F8: variants seen among roughly 807,000 people sequenced by gnomAD.
F8 encodes the protein coagulation factor VIII.
In F8, 12 loss-of-function variants were observed where a neutral mutation model predicts 140.6. That is an observed-to-expected ratio of 0.09 (90% confidence interval 0.05 to 0.14). F8 has a LOEUF of 0.14. Ranked by LOEUF, F8 falls within the 10% of genes least tolerant of loss-of-function variation. The pLI, the probability that F8 is intolerant of heterozygous loss-of-function variation, is 1.00. For synonymous variants in F8, 585 were observed against 614.6 expected, an observed-to-expected ratio of 0.95 and a Z score of 0.71; for missense variants, 1,354 against 1,720.7, an observed-to-expected ratio of 0.79 and a Z score of 3.77.
chrX:154,938,370 G>C (rs930566278), intron 13 of F8, among the ~76,000 whole-genome samples: 1 of 111,456 alleles, frequency 9.0e-6, no homozygotes, highest in African/African-American at 3.3e-5. Context: ...ATTGGTGCTA[G>C]AGCAATTAAA....
chrX:154,861,267 C>T (rs1200046585), intron 24 of F8, among the ~76,000 whole-genome samples: 2 of 111,731 alleles, frequency 1.8e-5, no homozygotes, highest in African/African-American at 6.5e-5. Flanking sequence ...CCGCACCCAG[C>T]CTCCACTTTC....
intron 22 of F8, among the ~76,000 whole-genome samples, chrX:154,890,282 A>G (rs782461943): frequency 1.5e-3 from 162 of 110,087 alleles, no homozygotes; most frequent in African/African-American, 4.0e-3. Flanking sequence ...TAGTTTGCCC[A>G]CCCCTGAATT....
intron 25 of F8, among the ~76,000 whole-genome samples, chrX:154,855,908 G>C (rs1046654641): frequency 1.8e-5 from 2 of 111,587 alleles, no homozygotes; most frequent in Non-Finnish European, 3.8e-5. Flanking sequence ...CAGAGAATAT[G>C]TATAGGAATG....
intron 11 of F8, among the ~76,000 whole-genome samples, chrX:154,954,781 C>T (rs1341196876): frequency 9.0e-6 from 1 of 111,684 alleles, no homozygotes; most frequent in African/African-American, 3.3e-5. Context: ...CAGTTCTCTT[C>T]CCAAAAGTGA....
At chrX:154,955,452 C>T (rs1258549458) in intron 11 of F8, among the ~76,000 whole-genome samples, 3 of 107,914 alleles carry the variant, frequency 2.8e-5, no homozygotes, top group Non-Finnish European at 5.7e-5. Flanking sequence ...AGCCACCGCA[C>T]GTAGCCTATT....
At chrX:154,910,238 G>A (rs919654933) in intron 14 of F8, among the ~76,000 whole-genome samples, 1 of 111,556 alleles carries the variant, frequency 9.0e-6, no homozygotes, top group African/African-American at 3.3e-5. Flanking sequence ...ATACTATGCA[G>A]CCATAAAAAA....
intron 6 of F8, among the ~76,000 whole-genome samples, chrX:154,983,885 C>T (rs2073543150): frequency 8.9e-6 from 1 of 112,131 alleles, no homozygotes. Context: ...GATATTTCTG[C>T]CTTCAGACAG....
chrX:154,918,185 T>C (rs1383324037), intron 14 of F8, among the ~76,000 whole-genome samples: 2 of 111,536 alleles, frequency 1.8e-5, no homozygotes, highest in Non-Finnish European at 3.8e-5. Flanking sequence ...ACGGCTTGGA[T>C]TACTGCCTAT....
At chrX:154,859,656 A>G (rs1557272691) in intron 25 of F8, among the ~76,000 whole-genome samples, 1 of 110,958 alleles carries the variant, frequency 9.0e-6, no homozygotes, top group African/African-American at 3.3e-5. Context: ...CAGAGATATA[A>G]CCTTTTTTAA....
At chrX:154,914,183 T>C (rs2073082836) in intron 14 of F8, among the ~76,000 whole-genome samples, 1 of 112,172 alleles carries the variant, frequency 8.9e-6, no homozygotes, top group Non-Finnish European at 1.9e-5. Flanking sequence ...ATAGCTGGAG[T>C]GGCTGGGACA....
At position 154,984,813 on chromosome X, in the gene F8, G is replaced by C; in HGVS notation, c.671-10C>G. On this transcript the variant is annotated splice_polypyrimidine_tract_variant and intron_variant, in intron 5 of 25. Coordinates refer to ENST00000360256, the MANE Select transcript of F8 (RefSeq NM_000132.4). Reference sequence around the variant, plus strand: ...GAGTGCCAACTTTTCCCTGATGAGAGAGAAGGCAAAGATAGAGTCAGCTAA... The same window carrying C: ...GAGTGCCAACTTTTCCCTGATGAGACAGAAGGCAAAGATAGAGTCAGCTAA... 1 of 1,154,599 alleles carries C rather than the reference G, an allele frequency of 8.7e-7. No homozygotes were observed. The highest frequency in any genetic ancestry group is 1.2e-6 in the Non-Finnish European group (1 of 843,698).
At chrX:154,913,653 T>C (rs2073079525) in intron 14 of F8, among the ~76,000 whole-genome samples, 1 of 112,866 alleles carries the variant, frequency 8.9e-6, no homozygotes, top group Non-Finnish European at 1.9e-5. Context: ...TGAAATCCAA[T>C]AGGGCAGTCA....
At chrX:154,847,685 C>G (rs782449952) in intron 25 of F8, among the ~76,000 whole-genome samples, 1 of 108,665 alleles carries the variant, frequency 9.2e-6, no homozygotes, top group Non-Finnish European at 1.9e-5. Flanking sequence ...AGCCATTCAT[C>G]TAACCTTTTT....
Position 154,928,806 on chromosome X carries a change from A to C in F8, c.4984T>G (p.Leu1662Val). 8.3e-7 allele frequency: 1 copy of C among 1,211,826 alleles called. No homozygotes were observed. Among genetic ancestry groups the C allele is most frequent in the Non-Finnish European group, 1.1e-6 (1 of 895,464 alleles). The change falls in exon 14 of 26, where the codon TTG becomes GTG. Residue 1662 changes from leucine to valine, a missense_variant. Transcript: ENST00000360256. ...GTTATTTCCCGTTGATGGCGTTTCAAGACTGGTGGGTTTTGAGAGCACAGC... is the reference window on the plus strand; with the variant it reads ...GTTATTTCCCGTTGATGGCGTTTCACGACTGGTGGGTTTTGAGAGCACAGC... ...ERLCSQNPPVLKRHQREITRT... is the reference protein window; with the variant it reads ...ERLCSQNPPVVKRHQREITRT...
At chrX:154,877,331 T>TGA (rs1163018014) in intron 22 of F8, among the ~76,000 whole-genome samples, 3 of 110,537 alleles carry the variant, frequency 2.7e-5, no homozygotes, top group African/African-American at 9.9e-5. Flanking sequence ...GCCTTGAAAG[T>TGA]GAGAGAGAGA....
At chrX:154,967,138 T>C (rs1429625558) in intron 7 of F8, among the ~76,000 whole-genome samples, 8 of 111,387 alleles carry the variant, frequency 7.2e-5, no homozygotes, top group African/African-American at 2.6e-4. Flanking sequence ...TATTAGGCCT[T>C]CCAGGCTCTC....
intron 3 of F8, among the ~76,000 whole-genome samples, chrX:154,995,893 C>A (rs1341321802): frequency 9.0e-6 from 1 of 111,043 alleles, no homozygotes; most frequent in African/African-American, 3.3e-5. Flanking sequence ...CTCATGGCTA[C>A]CATTTGAACT....
chrX:154,929,125 A>ATTCCAC lies in F8; in HGVS notation c.4659_4664dup (p.Lys1553_Trp1554dup). ...GAACTTTTCCAGGTCTGTTTGCTTC[A>ATTCCAC]TTCCACTTAATCGCTCCCTCTGTTC... is the stretch of plus-strand genomic sequence containing the variant. On this transcript the variant is annotated inframe_insertion, in exon 14 of 26. Transcript: ENST00000360256. The ATTCCAC allele has an allele frequency of 8.3e-7, 1 of 1,211,364 alleles. No individual in the cohort carries two copies.
At chrX:154,880,941 T>C (rs1479954421) in intron 22 of F8, among the ~76,000 whole-genome samples, 6 of 109,213 alleles carry the variant, frequency 5.5e-5, no homozygotes, top group Admixed American at 1.9e-4. Context: ...GAGTAATATG[T>C]AGTGAGTGTC....
Sources: gnomAD v4.1 joint callset for allele counts (sites outside exome capture counted in the v4.1 genomes callset) on GRCh38, gnomAD v4.1.1 for gene constraint, MANE v1.5 for transcripts, NCBI Gene and HGNC (gene_info 2026-07-23, HGNC 2026-07-21) for gene names.